The following YEATS2 variants were observed in gnomAD, a reference collection of about 807,000 sequenced individuals.
YEATS2 encodes YEATS domain-containing protein 2.
A neutral mutation model predicts 163.2 loss-of-function variants in YEATS2; 77 were observed. The observed-to-expected ratio is 0.47, with a 90% CI of 0.39 to 0.57. The LOEUF is 0.57. YEATS2 is among the 20% of genes least tolerant of loss of function. The pLI, the probability that YEATS2 is intolerant of heterozygous loss-of-function variation, is 0.00. For synonymous variants in YEATS2, 631 were observed against 645.1 expected (o/e 0.98, Z 0.33); for missense variants, 1,549 against 1,729.8 (o/e 0.90, Z 1.85).
At chr3:183,719,169 T>C (rs1353864984) in intron 4 of YEATS2, among the ~76,000 whole-genome samples, 1 of 150,540 alleles carries the variant, frequency 6.6e-6, no homozygotes, top group African/African-American at 2.5e-5. Flanking sequence ...TTTTTTTTTG[T>C]TTGTTTTTTT....
Position 183,773,730 on chromosome 3 carries a change from T to G in YEATS2, c.2304T>G (p.Pro768=), listed in dbSNP as rs1722701461. The stretch of plus-strand genomic sequence containing the variant: ...ACCTAACTACAAACAGCAAGAACCC[T>G]TCAGGAAAAGGAAAACTGCTGCTGA... ...KLYLTTNSKN[P]SGKGKLLLIP... is the part of the protein sequence containing the mutation. The change falls in exon 17 of 31, where the codon CCT becomes CCG. Residue 768 remains proline (P), a synonymous_variant. Coordinates refer to ENST00000305135, the MANE Select transcript of YEATS2 (RefSeq NM_018023.5). The G allele has an allele frequency of 6.2e-7, 1 of 1,613,428 alleles. No individual in the cohort carries two copies. Among genetic ancestry groups the G allele is most frequent in the Admixed American group, 1.7e-5 (1 of 59,846 alleles).
intron 15 of YEATS2, among the ~76,000 whole-genome samples, chr3:183,767,254 C>T (rs561912067): frequency 1.3e-5 from 2 of 151,798 alleles, no homozygotes; most frequent in Admixed American, 6.6e-5. Context: ...GAGACAGCGT[C>T]TAGCTCCGTT....
chr3:183,747,880 A>G (rs563632960), intron 9 of YEATS2, among the ~76,000 whole-genome samples, 164 bp downstream of exon 9: 182 of 151,694 alleles, frequency 1.2e-3, no homozygotes, highest in Middle Eastern at 3.4e-3. Context: ...CCCAGGATCA[A>G]GTGATTCTCC....
In YEATS2 at chr3:183,809,032, A is replaced by C; in HGVS notation, c.4087-65A>C. On this transcript the variant is annotated intron_variant, in intron 29 of 30. Transcript: ENST00000305135. ...AACATTTGGGGTAAGGGATGGGGTT[A>C]AATGTGTCCCTTCTTGCCAGCAAGC... The C allele has an allele frequency of 1.9e-6, 3 of 1,556,946 alleles. No homozygotes were observed. In the Admixed American group the frequency reaches 5.0e-5, roughly 26 times the overall value.
At chr3:183,745,799 G>A (rs764035768) in intron 8 of YEATS2, among the ~76,000 whole-genome samples, 2 of 151,940 alleles carry the variant, frequency 1.3e-5, no homozygotes, top group South Asian at 2.1e-4. Flanking sequence ...CCTTGACCCC[G>A]TTTGTCCTTT....
At chr3:183,809,465 T>A (rs1376199591) in intron 30 of YEATS2, 1 of 251,628 alleles carries the variant, frequency 4.0e-6, no homozygotes, top group Non-Finnish European at 7.6e-6. Context: ...CAATTAAAGA[T>A]AACAGTGTCC....
At position 183,752,115 on chromosome 3, in the gene YEATS2, T is replaced by G; in HGVS notation, c.1012T>G (p.Cys338Gly). 6.2e-7 allele frequency: 1 copy of G among 1,614,174 alleles called. No individual in the cohort carries two copies. The highest frequency in any genetic ancestry group is 8.5e-7 in the Non-Finnish European group (1 of 1,180,020). The change falls in exon 10 of 31, where the codon TGT becomes GGT. Residue 338 changes from cysteine (C) to glycine (G), a missense_variant. Cys to Gly is a radical substitution (Grantham distance 159). Transcript: ENST00000305135. ...CCATCGCCATTCTCTCGGAGAAGAC[T>G]GTATCTATCCTCAGTCCTCGGAGTC... ...ELHRHSLGED[C>G]IYPQSSESDI...
chr3:183,776,678 G>C (rs1723031482), intron 18 of YEATS2, among the ~76,000 whole-genome samples: 1 of 152,160 alleles, frequency 6.6e-6, no homozygotes, highest in Non-Finnish European at 1.5e-5. Context: ...TTTAAGCCAG[G>C]CACGGTGGCT....
chr3:183,716,807 A>G (rs368759575), intron 2 of YEATS2, among the ~76,000 whole-genome samples: 1 of 152,028 alleles, frequency 6.6e-6, no homozygotes, highest in African/African-American at 2.4e-5. Context: ...CTTGGTGTCC[A>G]TGCTCTACCT....
intron 30 of YEATS2, 88 bp from the exon 31 acceptor site, chr3:183,810,387 G>A: frequency 4.0e-6 from 5 of 1,240,056 alleles, no homozygotes; most frequent in African/African-American, 3.0e-5. Flanking sequence ...CTCTGCCTGG[G>A]ATGGTCCCTG....
chr3:183,798,003 G>A lies in YEATS2; in HGVS notation c.3178G>A (p.Val1060Ile), dbSNP rs200529323. The A allele has an allele frequency of 1.5e-5, 24 of 1,614,016 alleles. No homozygotes were observed. The African/African-American group carries it at 2.7e-4, about 18-fold the overall frequency. ...TCCCAGCCAGCTCAAACCACTCAGC[G>A]TAAACACATCTGGAGGGGTGCAGAC... is the stretch of plus-strand genomic sequence containing the variant. ...TIPSQLKPLSVNTSGGVQTIL... is the reference protein window; with the variant it reads ...TIPSQLKPLSINTSGGVQTIL... The change falls in exon 22 of 31, where the codon GTA becomes ATA. Residue 1060 changes from valine to isoleucine, a missense_variant. Val to Ile is a conservative substitution (Grantham distance 29). Coordinates refer to ENST00000305135, the MANE Select transcript of YEATS2 (RefSeq NM_018023.5).
chr3:183,742,147 G>A (rs1719042740), intron 8 of YEATS2, among the ~76,000 whole-genome samples: 1 of 151,974 alleles, frequency 6.6e-6, no homozygotes, highest in African/African-American at 2.4e-5. Context: ...CCAGGAGGTT[G>A]AGGCTGCTGT....
intron 1 of YEATS2, among the ~76,000 whole-genome samples, chr3:183,702,929 T>A (rs1250655518): frequency 6.6e-6 from 1 of 152,150 alleles, no homozygotes; most frequent in Non-Finnish European, 1.5e-5. Flanking sequence ...AGAGGAGCTG[T>A]TTTATCCTAC....
chr3:183,787,116 G>A (rs368287098), intron 20 of YEATS2, among the ~76,000 whole-genome samples: 1 of 151,966 alleles, frequency 6.6e-6, no homozygotes, highest in Non-Finnish European at 1.5e-5. Context: ...CACCATGTCC[G>A]GCTAATTTTT....
chr3:183,721,849 G>C lies in YEATS2; in HGVS notation c.292-42G>C, dbSNP rs80034828. 1.9e-3 allele frequency: 3,050 copies of C among 1,604,566 alleles called. 80 individuals are homozygous for C. In the East Asian group the frequency reaches 0.057, roughly 30 times the overall value. ...ATCAGATTTTTGCCTGCTTTTGATG[G>C]ATTTGATTAAAAATTTATTTGCTTG... On this transcript the variant is annotated intron_variant, in intron 4 of 30. Coordinates refer to ENST00000305135, the MANE Select transcript of YEATS2 (RefSeq NM_018023.5).
At chr3:183,699,655 G>A (rs1396759404) in intron 1 of YEATS2, among the ~76,000 whole-genome samples, 1 of 152,058 alleles carries the variant, frequency 6.6e-6, no homozygotes, top group Non-Finnish European at 1.5e-5. Context: ...AAAGGGCGCA[G>A]ACACTCAAAT....
chr3:183,807,956 G>A, intron 28 of YEATS2, 74 bp from the exon 29 acceptor site: 1 of 1,254,298 alleles, frequency 8.0e-7, no homozygotes, highest in East Asian at 2.6e-5. Flanking sequence ...GCATGTCAGG[G>A]AGGTATGCTT....
chr3:183,795,666 C>A (rs1274564645), intron 21 of YEATS2, among the ~76,000 whole-genome samples: 1 of 151,914 alleles, frequency 6.6e-6, no homozygotes, highest in Non-Finnish European at 1.5e-5. Flanking sequence ...ATTAAAGTGG[C>A]TACCAGTAGG....
intron 16 of YEATS2, among the ~76,000 whole-genome samples, chr3:183,772,784 T>TACAC (rs879334321): frequency 9.0e-6 from 1 of 111,238 alleles, no homozygotes; most frequent in East Asian, 2.8e-4. Flanking sequence ...CACACCCACA[T>TACAC]ACACACACAC....
Sources: allele counts gnomAD v4.1 joint callset (sites outside exome capture counted in the v4.1 genomes callset), GRCh38; gene constraint gnomAD v4.1.1; transcripts MANE v1.5; gene names NCBI Gene and HGNC (gene_info 2026-07-23, HGNC 2026-07-21).